CLCN3: variants seen among roughly 807,000 people sequenced by gnomAD.
CLCN3 encodes Cl-/H+ antiporter 3.
Under a neutral mutation model 83.4 loss-of-function variants are expected in CLCN3, and 16 were observed. That is an observed-to-expected ratio of 0.19 (90% CI 0.13 to 0.29). The LOEUF (loss-of-function observed/expected upper bound fraction) is 0.29, where lower values mean the gene tolerates loss of function less well. CLCN3 is among the 10% of genes least tolerant of loss of function. CLCN3 has a pLI of 1.00. For missense variants in CLCN3, 544 were observed against 1,006.0 expected, an observed-to-expected ratio of 0.54 and a Z score of 6.21; for synonymous variants, 322 against 346.2, an observed-to-expected ratio of 0.93 and a Z score of 0.78.
At chr4:169,703,631 C>A (rs1450068009) in intron 9 of CLCN3, among the ~76,000 whole-genome samples, 1 of 151,000 alleles carries the variant, frequency 6.6e-6, no homozygotes, top group Non-Finnish European at 1.5e-5. Flanking sequence ...CAACTGTCAC[C>A]CAAGTAGTAT....
At chr4:169,648,203 A>C (rs1730629649) in intron 2 of CLCN3, among the ~76,000 whole-genome samples, 1 of 152,238 alleles carries the variant, frequency 6.6e-6, no homozygotes, top group South Asian at 2.1e-4. Context: ...ATCTATGTAA[A>C]GTCTGGAGTT....
intron 2 of CLCN3, chr4:169,660,025 C>T (rs561148119): frequency 4.0e-6 from 4 of 993,968 alleles, no homozygotes; most frequent in Non-Finnish European, 4.8e-6. Flanking sequence ...CTGATGCTAC[C>T]GAAGCTGTAT....
intron 9 of CLCN3, among the ~76,000 whole-genome samples, chr4:169,701,659 AG>A: frequency 6.6e-6 from 1 of 152,234 alleles, no homozygotes; most frequent in Non-Finnish European, 1.5e-5. Flanking sequence ...GACATAAGGC[AG>A]AAAAAGAGAC....
chr4:169,679,575 C>G (rs1433073783), intron 2 of CLCN3, among the ~76,000 whole-genome samples: 8 of 152,136 alleles, frequency 5.3e-5, no homozygotes, highest in Admixed American at 5.2e-4. Flanking sequence ...GCCGAGATCA[C>G]GCCACTGCAC....
At position 169,720,526 on chromosome 4, in the gene CLCN3, T is replaced by TCTCTCTC. The variant is rs1733597150; in HGVS notation, c.*529_*530insCTCTCTC. On this transcript the variant is annotated 3_prime_UTR_variant, in exon 13 of 13. Coordinates refer to ENST00000513761, the MANE Select transcript of CLCN3 (RefSeq NM_001829.4). Reference sequence around the variant, plus strand: ...TTCTACATTCCAGAAGAGCCTTTATTTCTCTCTCTCTCTCTCTCTCTCTCT... The same window carrying TCTCTCTC: ...TTCTACATTCCAGAAGAGCCTTTATTCTCTCTCTCTCTCTCTCTCTCTCTCTCTCTCT... 1.4e-5 allele frequency: 2 copies of TCTCTCTC among 146,784 alleles called. No individual in the cohort carries two copies. Among genetic ancestry groups the TCTCTCTC allele is most frequent in the Non-Finnish European group, 3.0e-5 (2 of 66,564 alleles). The allele number at this position is 146,784 out of a possible 1,614,324, so 9.1% of individuals were successfully genotyped here.
chr4:169,693,342 C>T (rs1356159876), intron 7 of CLCN3, among the ~76,000 whole-genome samples: 1 of 152,164 alleles, frequency 6.6e-6, no homozygotes, highest in African/African-American at 2.4e-5. Flanking sequence ...ACAAAAATAG[C>T]TAGCATTATT....
At chr4:169,680,246 A>G in intron 3 of CLCN3, 39 bp downstream of exon 3, 3 of 1,426,646 alleles carry the variant, frequency 2.1e-6, no homozygotes, top group Non-Finnish European at 2.9e-6. Flanking sequence ...AACATAGTGC[A>G]TAATTAGATC....
intron 1 of CLCN3, among the ~76,000 whole-genome samples, chr4:169,632,162 A>T (rs1773388605): frequency 6.7e-6 from 1 of 149,518 alleles, no homozygotes; most frequent in Non-Finnish European, 1.5e-5. Flanking sequence ...CTTCAACAAA[A>T]TATTAAGAGA....
chr4:169,675,989 A>G (rs1258337748), intron 2 of CLCN3, among the ~76,000 whole-genome samples: 1 of 152,212 alleles, frequency 6.6e-6, no homozygotes, highest in East Asian at 1.9e-4. Context: ...ACCTGTAAGT[A>G]CAAAGTAGAA....
intron 2 of CLCN3, among the ~76,000 whole-genome samples, chr4:169,640,658 CA>C (rs1730387131): frequency 6.6e-6 from 1 of 151,968 alleles, no homozygotes; most frequent in Non-Finnish European, 1.5e-5. Context: ...TTGCAAGTAA[CA>C]GGAAGGGAGA....
chr4:169,683,630 C>G (rs1201158855), intron 3 of CLCN3, among the ~76,000 whole-genome samples: 1 of 152,158 alleles, frequency 6.6e-6, no homozygotes, highest in Non-Finnish European at 1.5e-5. Context: ...TCAATCATCT[C>G]TTCCTAGACC....
chr4:169,705,968 C>A (rs62346182), intron 10 of CLCN3, among the ~76,000 whole-genome samples: 1 of 149,836 alleles, frequency 6.7e-6, no homozygotes, highest in Non-Finnish European at 1.5e-5. Flanking sequence ...GAGTTTGAGA[C>A]CAGCCTGGGC....
At chr4:169,719,850 G>C in intron 12 of CLCN3, 57 bp from the exon 13 acceptor site, 2 of 1,395,158 alleles carry the variant, frequency 1.4e-6, no homozygotes, top group Non-Finnish European at 2.0e-6. Context: ...TATAGATTTA[G>C]CTTCTCCTTT....
At chr4:169,718,430 C>A (rs1003856666) in intron 12 of CLCN3, among the ~76,000 whole-genome samples, 1 of 152,074 alleles carries the variant, frequency 6.6e-6, no homozygotes, top group African/African-American at 2.4e-5. Context: ...AGCATTAGTT[C>A]TTTTTCTGCT....
At position 169,625,524 on chromosome 4, in the gene CLCN3, AG is replaced by A. The variant is rs532429070; in HGVS notation, c.-17+4463del. Among the ~76,000 whole-genome samples the A allele has an allele frequency of 3.9e-3, 590 of 152,296 alleles. 7 individuals carry two copies. Among genetic ancestry groups the A allele is most frequent in the African/African-American group, 0.013 (529 of 41,558 alleles). On this transcript the variant is annotated intron_variant, in intron 1 of 12. Transcript: ENST00000513761. Reference sequence around the variant, plus strand: ...CTTAGTGTTTGCAGTTTTGGGGCTCAGGTCAGTGTAATGGAGGTAACCTTCT... The same window carrying A: ...CTTAGTGTTTGCAGTTTTGGGGCTCAGTCAGTGTAATGGAGGTAACCTTCT...
intron 2 of CLCN3, among the ~76,000 whole-genome samples, chr4:169,678,100 C>G (rs1405003185): frequency 6.6e-6 from 1 of 152,180 alleles, no homozygotes; most frequent in Admixed American, 6.5e-5. Flanking sequence ...AGGGCAAAAA[C>G]AAAACCACAA....
chr4:169,706,055 T>C (rs944108243), intron 10 of CLCN3, among the ~76,000 whole-genome samples: 8 of 151,938 alleles, frequency 5.3e-5, no homozygotes, highest in Admixed American at 3.3e-4. Flanking sequence ...ACTGGATTGA[T>C]AACAGTGAGA....
intron 2 of CLCN3, chr4:169,642,721 C>T (rs1264732064): frequency 1.3e-5 from 2 of 152,382 alleles, no homozygotes; most frequent in Admixed American, 6.5e-5. Flanking sequence ...CGGGGTTTCT[C>T]CATGTTGCTC....
At chr4:169,712,164 A>G (rs1733246677) in intron 11 of CLCN3, among the ~76,000 whole-genome samples, 1 of 152,030 alleles carries the variant, frequency 6.6e-6, no homozygotes, top group Non-Finnish European at 1.5e-5. Context: ...TGGCCGGCCA[A>G]AATATTTTCA....
Sources: allele counts gnomAD v4.1 joint callset (sites outside exome capture counted in the v4.1 genomes callset), GRCh38; gene constraint gnomAD v4.1.1; transcripts MANE v1.5; gene names NCBI Gene and HGNC (gene_info 2026-07-23, HGNC 2026-07-21).